The following MIDEAS variants were observed in gnomAD, a reference collection of about 807,000 sequenced individuals.
The protein encoded by MIDEAS is mitotic deacetylase associated SANT domain protein.
A neutral mutation model predicts 102.7 loss-of-function variants in MIDEAS; 26 were observed. The ratio of observed to expected loss-of-function variants is 0.25; its 90% confidence interval spans 0.19 to 0.35. The LOEUF is 0.35. MIDEAS is among the 10% of genes least tolerant of loss of function. The pLI, the probability that MIDEAS is intolerant of heterozygous loss-of-function variation, is 1.00. For missense variants in MIDEAS, 1,231 were observed against 1,435.6 expected, an observed-to-expected ratio of 0.86 and a Z score of 2.30; for synonymous variants, 585 against 591.0, an observed-to-expected ratio of 0.99 and a Z score of 0.15.
chr14:73,749,096 G>C (rs1040827738), intron 1 of MIDEAS, among the ~76,000 whole-genome samples: 1 of 152,086 alleles, frequency 6.6e-6, no homozygotes, highest in Non-Finnish European at 1.5e-5. Context: ...CAAGGAAATA[G>C]AAGATTTAGA....
upstream of MIDEAS, among the ~76,000 whole-genome samples, chr14:73,764,581 C>T (rs777326671): frequency 4.6e-5 from 7 of 152,178 alleles, no homozygotes; most frequent in Non-Finnish European, 1.0e-4. Context: ...AGTAGGAACA[C>T]CCCTCCACCA....
In MIDEAS at chr14:73,742,410, G is replaced by A. The variant is rs1394388084; in HGVS notation, c.-247-2155C>T. 6.6e-6 allele frequency among the ~76,000 whole-genome samples: 1 copy of A among 152,236 alleles called. No homozygotes were observed. The highest frequency in any genetic ancestry group is 1.5e-5 in the Non-Finnish European group (1 of 68,030). ...GGGGTGCGCCCCCTCCATGGGGATG[G>A]CTGCTCAGAAGGAGATGAGGCGGGG... On this transcript the variant is annotated intron_variant, in intron 1 of 12. Transcript: ENST00000423556. The surrounding 1 kb of genome is among the most constrained non-coding windows in gnomAD (Gnocchi z 4.4).
At chr14:73,726,004 G>A (rs1186018613) in intron 8 of MIDEAS, 29 bp downstream of exon 8, 9 of 1,562,500 alleles carry the variant, frequency 5.8e-6, no homozygotes, top group Non-Finnish European at 7.0e-6. Context: ...TGAGGCTCCA[G>A]GCACCATGCC....
chr14:73,767,810 A>G (rs530629270), intron 1 of MIDEAS, among the ~76,000 whole-genome samples: 48 of 152,138 alleles, frequency 3.2e-4, no homozygotes, highest in Non-Finnish European at 5.3e-4. Flanking sequence ...TTCTTCCTCT[A>G]ATTTTCTGGA....
chr14:73,731,134 A>C (rs1224196962), intron 3 of MIDEAS, among the ~76,000 whole-genome samples: 1 of 152,234 alleles, frequency 6.6e-6, no homozygotes, highest in Non-Finnish European at 1.5e-5. Context: ...TAGAATAGAA[A>C]GCAGGACTAT....
chr14:73,733,667 C>T (rs1295271094), intron 3 of MIDEAS, among the ~76,000 whole-genome samples: 2 of 152,192 alleles, frequency 1.3e-5, no homozygotes, highest in African/African-American at 4.8e-5. Context: ...AAAGTACTAA[C>T]AGATTTCTAA....
chr14:73,753,375 G>C (rs1017314265), intron 1 of MIDEAS, among the ~76,000 whole-genome samples: 2 of 152,230 alleles, frequency 1.3e-5, no homozygotes, highest in African/African-American at 4.8e-5. Flanking sequence ...AAAATAGCCG[G>C]AGGAAGTGTG....
intron 1 of MIDEAS, among the ~76,000 whole-genome samples, chr14:73,766,442 ATTC>A (rs1263845707): frequency 6.6e-6 from 1 of 152,236 alleles, no homozygotes; most frequent in East Asian, 1.9e-4. Context: ...TATTTCATTG[ATTC>A]TAAGATACAC....
intron 1 of MIDEAS, among the ~76,000 whole-genome samples, chr14:73,753,303 G>A (rs2053444319): frequency 6.6e-6 from 1 of 152,164 alleles, no homozygotes. Context: ...GTCTAATGGT[G>A]CCTGAATTCC....
rs770830033 is a variant in MIDEAS, at chr14:73,784,270, G to A, written c.-248+2832C>T. ...GTTAAAACCACCATTTAGGTAAGGT[G>A]AAGGAGGAAGTCAGGGTTATGATTC... On this transcript the variant is annotated intron_variant, in intron 1 of 11. Transcript: ENST00000394071. Among the ~76,000 whole-genome samples the A allele has an allele frequency of 5.9e-5, 9 of 152,266 alleles. 1 individual carries two copies. The highest frequency in any genetic ancestry group is 8.8e-5 in the Non-Finnish European group (6 of 68,048).
chr14:73,723,056 G>C, intron 9 of MIDEAS: 1 of 467,130 alleles, frequency 2.1e-6, no homozygotes, highest in Non-Finnish European at 3.8e-6. Flanking sequence ...TTTAAAATAA[G>C]TAAATAAATA....
At chr14:73,730,344 T>G (rs1167680104) in intron 3 of MIDEAS, among the ~76,000 whole-genome samples, 1 of 152,232 alleles carries the variant, frequency 6.6e-6, no homozygotes, top group African/African-American at 2.4e-5. Flanking sequence ...CCACCTCTGC[T>G]GTAAAGTGTG....
rs2052896850 is a variant in MIDEAS, at chr14:73,716,709, A to AAAAT, written c.*2133_*2134insATTT. The AAAAT allele has an allele frequency of 1.1e-5, 1 of 94,010 alleles. No homozygotes were observed. Among genetic ancestry groups the AAAAT allele is most frequent in the Non-Finnish European group, 2.3e-5 (1 of 44,060 alleles). 5.8% of individuals were successfully genotyped at this position (94,010 alleles called of 1,614,324 possible). A position where few individuals can be genotyped will look rare whatever the true frequency, so the allele number is the denominator to read the frequency against. On this transcript the variant is annotated 3_prime_UTR_variant, in exon 13 of 13. Coordinates refer to ENST00000423556, the MANE Select transcript of MIDEAS (RefSeq NM_001367710.1). Reference sequence around the variant, plus strand: ...AAAAAAAAAAAAAAAAAAAAAAAAAATTTTTTTTCCAAGTACAAGATGTTA... The same window carrying AAAAT: ...AAAAAAAAAAAAAAAAAAAAAAAAAAAAATTTTTTTTTCCAAGTACAAGATGTTA...
chr14:73,748,122 G>T (rs932675427), intron 1 of MIDEAS, among the ~76,000 whole-genome samples: 1 of 152,088 alleles, frequency 6.6e-6, no homozygotes, highest in Admixed American at 6.5e-5. Flanking sequence ...CATAAAGGAA[G>T]ACAGTAATAG....
intron 1 of MIDEAS, among the ~76,000 whole-genome samples, chr14:73,770,104 G>A (rs2053629421): frequency 1.3e-5 from 2 of 151,938 alleles, no homozygotes; most frequent in Admixed American, 6.6e-5. Flanking sequence ...TCAGATTATG[G>A]TACGGTAAGG....
chr14:73,737,684 C>T (rs181889473), intron 2 of MIDEAS, among the ~76,000 whole-genome samples: 4 of 151,830 alleles, frequency 2.6e-5, no homozygotes, highest in Non-Finnish European at 5.9e-5. Flanking sequence ...GACCCTCATT[C>T]CCATTTAGTC....
intron 1 of MIDEAS, among the ~76,000 whole-genome samples, chr14:73,757,501 T>G (rs1044960606): frequency 2.0e-5 from 3 of 152,140 alleles, no homozygotes; most frequent in African/African-American, 7.2e-5. Context: ...AATAACTACA[T>G]AAGGTGGAAA....
intron 3 of MIDEAS, 85 bp downstream of exon 3, chr14:73,736,913 T>C (rs1054442770): frequency 7.3e-6 from 10 of 1,361,194 alleles, no homozygotes; most frequent in African/African-American, 5.7e-5. Context: ...CCTTCCTACA[T>C]TGCCATGTTC....
intron 3 of MIDEAS, among the ~76,000 whole-genome samples, chr14:73,730,718 C>T (rs556930039): frequency 3.6e-5 from 5 of 140,712 alleles, no homozygotes; most frequent in South Asian, 2.1e-4. Context: ...TTTGGGAGGT[C>T]GAGGTGGGGG....
Sources: gnomAD v4.1 joint callset for allele counts (sites outside exome capture counted in the v4.1 genomes callset) on GRCh38, gnomAD v4.1.1 for gene constraint, Gnocchi (gnomAD v3.1) non-coding constraint, MANE v1.5 for transcripts, NCBI Gene and HGNC (gene_info 2026-07-23, HGNC 2026-07-21) for gene names.